Variants in TRIM64C observed in about 807,000 individuals in gnomAD.
TRIM64C encodes the protein tripartite motif-containing protein 64C.
TRIM64C carries 25 observed loss-of-function variants against 36.1 expected under a neutral mutation model. The ratio of observed to expected loss-of-function variants is 0.69; its 90% CI spans 0.51 to 0.97. The LOEUF (loss-of-function observed/expected upper bound fraction) is 0.97. TRIM64C is among the 50% of genes least tolerant of loss of function. TRIM64C has a pLI of 0.00. For missense variants in TRIM64C, 489 were observed against 536.8 expected, an observed-to-expected ratio of 0.91 and a Z score of 0.88; for synonymous variants, 212 against 185.7, an observed-to-expected ratio of 1.14 and a Z score of -1.15.
intron 3 of TRIM64C, 149 bp downstream of exon 3, chr11:49,056,999 A>G: frequency 8.5e-7 from 1 of 1,177,706 alleles, no homozygotes; most frequent in Non-Finnish European, 1.2e-6. Context: ...GTATGCAGTA[A>G]TAAATGACTG....
intron 2 of TRIM64C, chr11:49,057,875 C>A (rs1854832303): frequency 1.9e-6 from 1 of 527,316 alleles, no homozygotes; most frequent in Non-Finnish European, 3.4e-6. Flanking sequence ...ACACATCATG[C>A]CGTTTATCCA....
chr11:49,055,554 G>C, intron 4 of TRIM64C, 147 bp from the exon 5 acceptor site: 1 of 1,082,160 alleles, frequency 9.2e-7, no homozygotes, highest in Non-Finnish European at 1.3e-6. Flanking sequence ...CCACACTCTA[G>C]GGGCCATAAG....
intron 3 of TRIM64C, 131 bp downstream of exon 3, chr11:49,057,017 G>C: frequency 7.8e-7 from 1 of 1,278,682 alleles, no homozygotes; most frequent in Non-Finnish European, 1.1e-6. Flanking sequence ...CTGGAAAAAT[G>C]TAATGGTGGA....
chr11:49,058,582 T>C (rs1416543415), intron 1 of TRIM64C, 119 bp downstream of exon 1: 2 of 1,488,586 alleles, frequency 1.3e-6, no homozygotes, highest in East Asian at 2.5e-5. Flanking sequence ...TTATGTGTTA[T>C]GATTGACATG....
intron 4 of TRIM64C, 106 bp from the exon 5 acceptor site, chr11:49,055,513 C>A: frequency 4.9e-6 from 7 of 1,438,776 alleles, no homozygotes; most frequent in Non-Finnish European, 6.6e-6. Context: ...AGAATTCTGC[C>A]GGTTTTGGTT....
chr11:49,055,202 G>T, intron 5 of TRIM64C, 108 bp downstream of exon 5: 1 of 1,369,944 alleles, frequency 7.3e-7, no homozygotes, highest in Non-Finnish European at 9.9e-7. Flanking sequence ...GGAAAACTAT[G>T]TATTACCTAC....
In TRIM64C at chr11:49,055,371, C is replaced by A. The variant is rs758372095; in HGVS notation, c.798G>T (p.Val266=). 1.4e-4 allele frequency: 212 copies of A among 1,535,260 alleles called. 3 individuals carry two copies. In the South Asian group the frequency reaches 2.4e-3, roughly 17 times the overall value. ...DLAQMPKPQP[V]NPELTSWCIT... ...TGCACCATGAAGTGAGCTCTGGGTT[C>A]ACTGGCTGGGGCTTTGGCATCTGTG... The change falls in exon 5 of 6, where the codon GTG becomes GTT. Residue 266 remains valine (V), a synonymous_variant. Coordinates refer to ENST00000617704, the MANE Select transcript of TRIM64C (RefSeq NM_001206631.1).
intron 2 of TRIM64C, 74 bp downstream of exon 2, chr11:49,058,004 G>A: frequency 9.8e-7 from 1 of 1,023,048 alleles, no homozygotes; most frequent in Non-Finnish European, 1.4e-6. Context: ...CTGGTAGTTT[G>A]AATTTAGCTA....
chr11:49,054,518 T>G (rs1438831258), intron 5 of TRIM64C, among the ~76,000 whole-genome samples: 1 of 152,230 alleles, frequency 6.6e-6, no homozygotes, highest in Non-Finnish European at 1.5e-5. Flanking sequence ...AGAAAAATCT[T>G]CTTGTATTAT....
chr11:49,056,229 C>T, intron 4 of TRIM64C, 130 bp downstream of exon 4: 2 of 692,866 alleles, frequency 2.9e-6, no homozygotes, highest in Non-Finnish European at 5.0e-6. Context: ...AAGAAGATCT[C>T]AGGCCCTCTT....
In TRIM64C at chr11:49,055,947, G is replaced by C. The variant is rs143879139; in HGVS notation, c.761+412C>G. On this transcript the variant is annotated intron_variant, in intron 4 of 5. Transcript: ENST00000617704. ...GGTGTATGGTGATGGAGCAAGCCCG[G>C]GTCATTGATGCTTTTAGGAACAAAA... Among the ~76,000 whole-genome samples the C allele has an allele frequency of 6.1e-3, 922 of 152,016 alleles. 11 individuals are homozygous for C. Among genetic ancestry groups the C allele is most frequent in the African/African-American group, 0.022 (895 of 41,446 alleles).
In TRIM64C at chr11:49,054,029, A is replaced by G. The variant is rs1416448561; in HGVS notation, c.1038T>C (p.Asp346=). The G allele has an allele frequency of 2.6e-6, 4 of 1,551,454 alleles. No individual in the cohort carries two copies. The highest frequency in any genetic ancestry group is 2.0e-5 in the Admixed American group (1 of 50,968). ...GAATCCAGTTGGAGGAGTGGGTCACATCCACTTCCCAGTAATGCTTGCCGG... is the reference window on the plus strand; with the variant it reads ...GAATCCAGTTGGAGGAGTGGGTCACGTCCACTTCCCAGTAATGCTTGCCGG... ...FTSGKHYWEV[D]VTHSSNWILG... The change falls in exon 6 of 6, where the codon GAT becomes GAC. Residue 346 remains aspartate, a synonymous_variant. Coordinates refer to ENST00000617704, the MANE Select transcript of TRIM64C (RefSeq NM_001206631.1).
rs572936233 is a variant in TRIM64C at position 49,057,527 on chromosome 11, C to A, written c.508-149G>T. On this transcript the variant is annotated intron_variant, in intron 2 of 5. Transcript: ENST00000617704. The stretch of plus-strand genomic sequence containing the variant: ...TGAATATTTGCTATCTTTTTCTGTC[C>A]ATCTTTTTCAATGTTCCTATTCTCT... 452 of 850,182 alleles carry A rather than the reference C, an allele frequency of 5.3e-4. 3 individuals are homozygous for A. In the Admixed American group the frequency reaches 9.7e-3, roughly 18 times the overall value. 52.7% of individuals were successfully genotyped at this position (850,182 alleles called of 1,614,324 possible). A position where few individuals can be genotyped will look rare whatever the true frequency, so the allele number is the denominator to read the frequency against.
rs548056819 is a variant in TRIM64C at position 49,058,569 on chromosome 11, C to G, written c.412+132G>C. On this transcript the variant is annotated intron_variant, in intron 1 of 5. Transcript: ENST00000617704. The stretch of plus-strand genomic sequence containing the variant: ...ATTAGTCAGCAACATTGAAAGGACA[C>G]ATTTATGTGTTATGATTGACATGGA... 7 of 1,472,284 alleles carry G rather than the reference C, an allele frequency of 4.8e-6. No homozygotes were observed. In the African/African-American group the frequency reaches 7.1e-5, roughly 15 times the overall value. 91.2% of individuals were successfully genotyped at this position (1,472,284 alleles called of 1,614,324 possible).
At position 49,056,372 on chromosome 11, in the gene TRIM64C, T is replaced by A; in HGVS notation, c.748A>T (p.Asn250Tyr). 2 of 1,543,152 alleles carry A rather than the reference T, an allele frequency of 1.3e-6. No homozygotes were observed. The highest frequency in any genetic ancestry group is 1.8e-6 in the Non-Finnish European group (2 of 1,141,722). ...GTGTAAACTCACCTTGCCGATATAT[T>A]TCCCACATCCTGCAAAAAAAATAAA... is the stretch of plus-strand genomic sequence containing the variant. ...PDVELLQDVG[N>Y]ISARTDLAQM... Residue 250 changes from asparagine to tyrosine, a missense_variant, in exon 4 of 6, where the codon AAT (asparagine) becomes TAT (tyrosine). Coordinates refer to ENST00000617704, the MANE Select transcript of TRIM64C (RefSeq NM_001206631.1).
intron 2 of TRIM64C, chr11:49,057,765 T>G (rs756145064): frequency 6.0e-6 from 3 of 500,868 alleles, no homozygotes; most frequent in South Asian, 4.8e-5. Context: ...TATATACTAT[T>G]CTATTTCTTT....
intron 2 of TRIM64C, 147 bp from the exon 3 acceptor site, chr11:49,057,525 TC>T: frequency 1.2e-6 from 1 of 857,668 alleles, no homozygotes; most frequent in Non-Finnish European, 1.8e-6. Context: ...TCTTTTTCTG[TC>T]CATCTTTTTC....
intron 1 of TRIM64C, 87 bp downstream of exon 1, chr11:49,058,614 T>A (rs1037132516): frequency 6.6e-7 from 1 of 1,521,770 alleles, no homozygotes; most frequent in African/African-American, 1.4e-5. Context: ...ACCTCCACTA[T>A]CTGCATTCTC....
intron 3 of TRIM64C, among the ~76,000 whole-genome samples, chr11:49,056,835 G>A (rs1305394464): frequency 2.6e-5 from 4 of 151,984 alleles, no homozygotes; most frequent in Non-Finnish European, 5.9e-5. Flanking sequence ...GGAGGAACTA[G>A]GGCATATACA....
Sources: allele counts gnomAD v4.1 joint callset (sites outside exome capture counted in the v4.1 genomes callset), GRCh38; gene constraint gnomAD v4.1.1; transcripts MANE v1.5; gene names NCBI Gene and HGNC (gene_info 2026-07-23, HGNC 2026-07-21).